SLC2A6: variants seen among roughly 807,000 people sequenced by gnomAD.
The protein encoded by SLC2A6 is solute carrier family 2, facilitated glucose transporter member 6.
In SLC2A6, 39 loss-of-function variants were observed where a neutral mutation model predicts 47.8. The ratio of observed to expected loss-of-function variants is 0.82; its 90% CI spans 0.63 to 1.07. The LOEUF (loss-of-function observed/expected upper bound fraction) is 1.07. Ranked by LOEUF, SLC2A6 falls within the 50% of genes least tolerant of loss-of-function variation. SLC2A6 has a pLI of 0.00. For missense variants in SLC2A6, 650 were observed against 707.6 expected (o/e 0.92, Z 0.92); for synonymous variants, 346 against 324.1 (o/e 1.07, Z -0.73).
At position 133,478,391 on chromosome 9, in the gene SLC2A6, G is replaced by A. The variant is rs782403171; in HGVS notation, c.118C>T (p.Leu40=). The A allele has an allele frequency of 8.3e-5, 134 of 1,614,024 alleles. No individual in the cohort carries two copies. The highest frequency in any genetic ancestry group is 1.1e-4 in the Non-Finnish European group (132 of 1,180,016). The change falls in exon 2 of 10, where the codon CTG becomes TTG. Residue 40 remains leucine (L), a synonymous_variant. Transcript: ENST00000371899. ...CCGAGCACTGCGGCGAAGGTGGCCA[G>A]GAACACCCTTTTGTTCTGCAGGGTC... is the stretch of plus-strand genomic sequence containing the variant. ...VGTLQNKRVF[L]ATFAAVLGNF... is the part of the protein sequence containing the mutation.
chr9:133,475,610 G>A lies in SLC2A6; in HGVS notation c.564C>T (p.Gly188=), dbSNP rs782449076. ...CCAGCCAGCGCCACGGCAGCAGGAG[G>A]CCTGGGGGCGAGGGGTGGGTGAGGG... ...VFGSLSLYAL[G]LLLPWRWLAV... The change falls in exon 5 of 10, where the codon GGC becomes GGT. Residue 188 remains glycine, a splice_region_variant and synonymous_variant. Transcript: ENST00000371899. 1.3e-6 allele frequency: 2 copies of A among 1,579,890 alleles called. No homozygotes were observed. Among genetic ancestry groups the A allele is most frequent in the African/African-American group, 1.3e-5 (1 of 74,488 alleles).
rs781974590 is a variant in SLC2A6 at position 133,472,079 on chromosome 9, C to T, written c.1466G>A (p.Arg489Gln). 17 of 1,613,360 alleles carry T rather than the reference C, an allele frequency of 1.1e-5. No individual in the cohort carries two copies. Among genetic ancestry groups the T allele is most frequent in the East Asian group, 6.7e-5 (3 of 44,864 alleles). ...GAAGGACTCGATCTGCTCCAGGGACCGTCCCTTGGTCTCGGGCACACAGCA... is the reference window on the plus strand; with the variant it reads ...GAAGGACTCGATCTGCTCCAGGGACTGTCCCTTGGTCTCGGGCACACAGCA... ...TGCCVPETKG[R>Q]SLEQIESFFR... Residue 489 changes from arginine to glutamine, a missense_variant, in exon 10 of 10, where the codon CGG becomes CAG. Coordinates refer to ENST00000371899, the MANE Select transcript of SLC2A6 (RefSeq NM_017585.4).
Position 133,472,149 on chromosome 9 carries a change from A to T in SLC2A6, c.1396T>A (p.Phe466Ile). 1.2e-6 allele frequency: 2 copies of T among 1,613,378 alleles called. No individual in the cohort carries two copies. Among genetic ancestry groups the T allele is most frequent in the South Asian group, 2.2e-5 (2 of 91,076 alleles). The part of the protein sequence containing the change: ...VSTFGLQVPF[F>I]FFAAICLVSL... ...ACCAAGCAGATGGCCGCGAAGAAGA[A>T]GAAAGGCACCTGGAGGCCGAAGGTG... is the stretch of plus-strand genomic sequence containing the variant. Residue 466 changes from phenylalanine to isoleucine, a missense_variant, in exon 10 of 10, where the codon TTC (phenylalanine) becomes ATC (isoleucine). Phe to Ile is a conservative substitution (Grantham distance 21, BLOSUM62 0). Coordinates refer to ENST00000371899, the MANE Select transcript of SLC2A6 (RefSeq NM_017585.4).
chr9:133,477,707 C>T (rs1588246989), intron 2 of SLC2A6, among the ~76,000 whole-genome samples: 1 of 150,864 alleles, frequency 6.6e-6, no homozygotes, highest in East Asian at 1.9e-4. Flanking sequence ...TACCTCGTGG[C>T]GTTGGCCCTG....
At chr9:133,478,725 G>A in intron 1 of SLC2A6, 2 of 585,368 alleles carry the variant, frequency 3.4e-6, no homozygotes, top group South Asian at 2.2e-5. Context: ...CCTGCTCGCT[G>A]GGGCCTCAGT....
At chr9:133,476,996 G>C in intron 3 of SLC2A6, 39 bp downstream of exon 3, 2 of 1,528,966 alleles carry the variant, frequency 1.3e-6, no homozygotes, top group Non-Finnish European at 8.8e-7. Context: ...CACCAATACA[G>C]AGGCATTGGG....
At chr9:133,478,139 AC>A in intron 2 of SLC2A6, 114 bp downstream of exon 2, 2 of 1,107,342 alleles carry the variant, frequency 1.8e-6, no homozygotes, top group Admixed American at 2.3e-5. Context: ...GGGAGGGGGG[AC>A]CAGGGCCCTG....
intron 6 of SLC2A6, among the ~76,000 whole-genome samples, chr9:133,474,419 C>T (rs1843863892): frequency 6.6e-6 from 1 of 152,224 alleles, no homozygotes; most frequent in Admixed American, 6.5e-5. Flanking sequence ...CTGCTATCTT[C>T]ATCTTGCAGA....
intron 9 of SLC2A6, among the ~76,000 whole-genome samples, chr9:133,472,584 C>G (rs1386506551): frequency 1.3e-5 from 2 of 152,182 alleles, no homozygotes; most frequent in African/African-American, 4.8e-5. Flanking sequence ...CTCCCCCAAC[C>G]CCCCTGCCCT....
At chr9:133,474,638 T>C (rs1843871421) in intron 6 of SLC2A6, among the ~76,000 whole-genome samples, 1 of 152,236 alleles carries the variant, frequency 6.6e-6, no homozygotes, top group African/African-American at 2.4e-5. Flanking sequence ...TGGAGTGCAG[T>C]GGTGAGATCG....
chr9:133,475,851 G>A (rs1843926100), intron 4 of SLC2A6, among the ~76,000 whole-genome samples: 1 of 152,254 alleles, frequency 6.6e-6, no homozygotes, highest in Non-Finnish European at 1.5e-5. Context: ...GGTAGGTTGG[G>A]CAGGCAAGGC....
rs782011702 is a variant in SLC2A6 at position 133,475,471 on chromosome 9, C to G, written c.703G>C (p.Ala235Pro). The change falls in exon 5 of 10, where the codon GCC becomes CCC. Residue 235 changes from alanine to proline, a missense_variant. Coordinates refer to ENST00000371899, the MANE Select transcript of SLC2A6 (RefSeq NM_017585.4). Reference protein sequence around the residue: ...GRDEEALRALAWLRGTDVDVH... With the variant: ...GRDEEALRALPWLRGTDVDVH... Reference sequence around the variant, plus strand: ...TCGACGTCCGTCCCACGCAGCCAGGCCAGCGCCCGCAGGGCCTCTTCGTCC... The same window carrying G: ...TCGACGTCCGTCCCACGCAGCCAGGGCAGCGCCCGCAGGGCCTCTTCGTCC... 4.6e-5 allele frequency: 74 copies of G among 1,611,856 alleles called. No homozygotes were observed. In the Admixed American group the frequency reaches 1.2e-3, roughly 27 times the overall value.
chr9:133,475,884 C>T (rs1554803206), intron 4 of SLC2A6, among the ~76,000 whole-genome samples: 1 of 152,186 alleles, frequency 6.6e-6, no homozygotes, highest in Non-Finnish European at 1.5e-5. Context: ...CCCAAGACCT[C>T]CACGCCCCCT....
chr9:133,471,802 C>T lies in SLC2A6; in HGVS notation c.*219G>A. On this transcript the variant is annotated 3_prime_UTR_variant, in exon 10 of 10. Transcript: ENST00000371899. ...CACTCCTGCGGCCCATGGCTACGTGCAGCACTGTGGGCTGCCTGGGCTGGG... is the reference window on the plus strand; with the variant it reads ...CACTCCTGCGGCCCATGGCTACGTGTAGCACTGTGGGCTGCCTGGGCTGGG... 1 of 578,924 alleles carries T rather than the reference C, an allele frequency of 1.7e-6. No individual in the cohort carries two copies. The highest frequency in any genetic ancestry group is 3.0e-5 in the Admixed American group (1 of 33,038). The allele number at this position is 578,924 out of a possible 1,614,324, so 35.9% of individuals were successfully genotyped here. A position where few individuals can be genotyped will look rare whatever the true frequency, so the allele number is the denominator to read the frequency against.
In SLC2A6 at chr9:133,475,576, C is replaced by A. The variant is rs782040012; in HGVS notation, c.598G>T (p.Gly200Trp). 1 of 1,605,992 alleles carries A rather than the reference C, an allele frequency of 6.2e-7. No individual in the cohort carries two copies. The highest frequency in any genetic ancestry group is 1.7e-5 in the Admixed American group (1 of 59,242). ...LLPWRWLAVA[G>W]EAPVLIMILL... ...ATCATGATGAGCACAGGCGCCTCCC[C>A]GGCCACAGCCAGCCAGCGCCACGGC... Residue 200 changes from glycine to tryptophan, a missense_variant, in exon 5 of 10, where the codon GGG becomes TGG. Transcript: ENST00000371899.
In SLC2A6 at chr9:133,471,916, G is replaced by T; in HGVS notation, c.*105C>A. On this transcript the variant is annotated 3_prime_UTR_variant, in exon 10 of 10. Transcript: ENST00000371899. Reference sequence around the variant, plus strand: ...ACACTGCTCTTCCTGTGCTCTGGCTGGTGGCAGGGATGACTGCTGCCTCTT... The same window carrying T: ...ACACTGCTCTTCCTGTGCTCTGGCTTGTGGCAGGGATGACTGCTGCCTCTT... 7.4e-7 allele frequency: 1 copy of T among 1,347,446 alleles called. No homozygotes were observed. 83.5% of individuals were successfully genotyped at this position (1,347,446 alleles called of 1,614,324 possible). A position where few individuals can be genotyped will look rare whatever the true frequency, so the allele number is the denominator to read the frequency against.
rs116765066 is a variant in SLC2A6, at chr9:133,472,018, G to A, written c.*3C>T. On this transcript the variant is annotated 3_prime_UTR_variant, in exon 10 of 10. Coordinates refer to ENST00000371899, the MANE Select transcript of SLC2A6 (RefSeq NM_017585.4). ...TTGGCCCCCTCCAGGCGGGGACCTT[G>A]ACCTAGCGCAAGAAGGACCTTCTCC... 3 of 1,611,840 alleles carry A rather than the reference G, an allele frequency of 1.9e-6. No individual in the cohort carries two copies. The highest frequency in any genetic ancestry group is 4.5e-5 in the East Asian group (2 of 44,832).
In SLC2A6 at chr9:133,471,788, C is replaced by A; in HGVS notation, c.*233G>T. ...TGCAGGGTTGTATGCACTCCTGCGG[C>A]CCATGGCTACGTGCAGCACTGTGGG... On this transcript the variant is annotated 3_prime_UTR_variant, in exon 10 of 10. Transcript: ENST00000371899. 1.9e-6 allele frequency: 1 copy of A among 525,194 alleles called. No individual in the cohort carries two copies. Among genetic ancestry groups the A allele is most frequent in the South Asian group, 2.7e-5 (1 of 37,226 alleles). 32.5% of individuals were successfully genotyped at this position (525,194 alleles called of 1,614,324 possible). A position where few individuals can be genotyped will look rare whatever the true frequency, so the allele number is the denominator to read the frequency against.
intron 2 of SLC2A6, 41 bp downstream of exon 2, chr9:133,478,213 C>G (rs782757990): frequency 1.2e-6 from 2 of 1,607,832 alleles, no homozygotes; most frequent in Non-Finnish European, 1.7e-6. Flanking sequence ...CAGCAGGTCC[C>G]TCCTTCCTGC....
Sources: allele counts gnomAD v4.1 joint callset (sites outside exome capture counted in the v4.1 genomes callset), GRCh38; gene constraint gnomAD v4.1.1; transcripts MANE v1.5; gene names NCBI Gene and HGNC (gene_info 2026-07-23, HGNC 2026-07-21).